The following BCAS3 variants were observed in gnomAD, a reference collection of about 807,000 sequenced individuals.
BCAS3 encodes the protein BCAS3 microtubule associated cell migration factor.
In BCAS3, 53 loss-of-function variants were observed where a neutral mutation model predicts 116.1. That is an observed-to-expected ratio of 0.46 (90% CI 0.37 to 0.57). The LOEUF (loss-of-function observed/expected upper bound fraction) is 0.57. BCAS3 is among the 20% of genes least tolerant of loss of function. The pLI, the probability that BCAS3 is intolerant of heterozygous loss-of-function variation, is 0.00. For missense variants in BCAS3, 917 were observed against 1,165.4 expected, an observed-to-expected ratio of 0.79 and a Z score of 3.10; for synonymous variants, 391 against 408.2, an observed-to-expected ratio of 0.96 and a Z score of 0.51.
intron 5 of BCAS3, among the ~76,000 whole-genome samples, chr17:60,744,776 G>A (rs2041892249): frequency 6.6e-6 from 1 of 151,826 alleles, no homozygotes; most frequent in Admixed American, 6.6e-5. Flanking sequence ...AGTGAATGTG[G>A]GGATGCATTT....
Position 60,788,407 on chromosome 17 carries a change from G to A in BCAS3, c.404-19597G>A, listed in dbSNP as rs78444724. On this transcript the variant is annotated intron_variant, in intron 6 of 23. Coordinates refer to ENST00000407086, the MANE Select transcript of BCAS3 (RefSeq NM_017679.5). ...TCTAATCTGTGAAAGAGCACAGGGA[G>A]CTGATTATCAAAGTGAAATAGAAGG... Among the ~76,000 whole-genome samples the A allele has an allele frequency of 2.8e-3, 432 of 152,274 alleles. 1 individual carries two copies. Among genetic ancestry groups the A allele is most frequent in the African/African-American group, 9.8e-3 (408 of 41,566 alleles).
In BCAS3 at chr17:61,388,646, C is replaced by T; in HGVS notation, c.2594-3331C>T. On this transcript the variant is annotated intron_variant, in intron 23 of 23. Coordinates refer to ENST00000407086, the MANE Select transcript of BCAS3 (RefSeq NM_017679.5). This position sits in a 1 kb window ranked among gnomAD's most constrained non-coding sequence, Gnocchi z 6.5. Reference sequence around the variant, plus strand: ...AAAAAAAAGGAAAAAAAAAACAATGCCAACAGCCCAGCGTCCGTGAGCAAC... The same window carrying T: ...AAAAAAAAGGAAAAAAAAAACAATGTCAACAGCCCAGCGTCCGTGAGCAAC... The T allele has an allele frequency of 2.6e-6, 4 of 1,541,306 alleles. No individual in the cohort carries two copies. The highest frequency in any genetic ancestry group is 1.2e-5 in the South Asian group (1 of 83,922).
At chr17:61,152,600 G>A (rs1483025561) in intron 22 of BCAS3, among the ~76,000 whole-genome samples, 1 of 152,076 alleles carries the variant, frequency 6.6e-6, no homozygotes, top group Non-Finnish European at 1.5e-5. Context: ...TCAGATCTAA[G>A]AGAATGCTGG....
chr17:60,851,200 A>T, intron 7 of BCAS3, among the ~76,000 whole-genome samples: 1 of 152,240 alleles, frequency 6.6e-6, no homozygotes, highest in East Asian at 1.9e-4. Flanking sequence ...CTGACTAAAG[A>T]ACTAAAAAAC....
intron 8 of BCAS3, among the ~76,000 whole-genome samples, chr17:60,870,917 T>G (rs1270221210): frequency 1.3e-5 from 2 of 152,210 alleles, no homozygotes; most frequent in African/African-American, 4.8e-5. Flanking sequence ...TTCAATTTAT[T>G]TTATATTTAC....
At position 60,804,466 on chromosome 17, in the gene BCAS3, C is replaced by A. The variant is rs1318967750; in HGVS notation, c.404-3538C>A. Among the ~76,000 whole-genome samples, 6 of 151,876 alleles carry A rather than the reference C, an allele frequency of 4.0e-5. No individual in the cohort carries two copies. The East Asian group carries it at 1.2e-3, about 30-fold the overall frequency. On this transcript the variant is annotated intron_variant, in intron 6 of 23. Transcript: ENST00000407086. ...ATTGCACTCCAGCCTTGGGGAGACT[C>A]CATCTCAAAAGAAAAACAAGAACAC...
chr17:61,232,769 T>G (rs1399488593), intron 22 of BCAS3, among the ~76,000 whole-genome samples: 1 of 152,220 alleles, frequency 6.6e-6, no homozygotes, highest in Non-Finnish European at 1.5e-5. Flanking sequence ...CTTCTGACTG[T>G]GTGTATTAGA....
chr17:61,016,031 C>CTG, intron 16 of BCAS3, 130 bp downstream of exon 16: 1 of 972,506 alleles, frequency 1.0e-6, no homozygotes, highest in Non-Finnish European at 1.5e-6. Context: ...GACTTAATGG[C>CTG]ATCAGATTAA....
In BCAS3 at chr17:60,988,625, G is replaced by A. The variant is rs553380426; in HGVS notation, c.1222-1346G>A. Among the ~76,000 whole-genome samples, 110 of 151,968 alleles carry A rather than the reference G, an allele frequency of 7.2e-4. 1 individual carries two copies. Among genetic ancestry groups the A allele is most frequent in the Non-Finnish European group, 9.1e-4 (62 of 67,878 alleles). On this transcript the variant is annotated intron_variant, in intron 14 of 23. Coordinates refer to ENST00000407086, the MANE Select transcript of BCAS3 (RefSeq NM_017679.5). Reference sequence around the variant, plus strand: ...ATATTTTCATGATTCAATCTTGTTAGGTTGTACGTGTCTGGGAATTTATCC... The same window carrying A: ...ATATTTTCATGATTCAATCTTGTTAAGTTGTACGTGTCTGGGAATTTATCC...
chr17:60,916,610 C>T (rs867733243), intron 12 of BCAS3, among the ~76,000 whole-genome samples: 12 of 152,026 alleles, frequency 7.9e-5, no homozygotes, highest in Non-Finnish European at 1.6e-4. Context: ...TTGATGATTG[C>T]GTTAGAAATT....
At chr17:61,116,750 G>A (rs2075484982) in intron 22 of BCAS3, among the ~76,000 whole-genome samples, 1 of 152,084 alleles carries the variant, frequency 6.6e-6, no homozygotes, top group Admixed American at 6.6e-5. Context: ...TGATATTATG[G>A]CTGGGTATAG....
In BCAS3 at chr17:60,770,748, A is replaced by G. The variant is rs1463120535; in HGVS notation, c.403+23469A>G. ...TAGACGGTCTATTTGAAGTGTGAATATTTACTTGCTATTTTGGTTCCTCTC... is the reference window on the plus strand; with the variant it reads ...TAGACGGTCTATTTGAAGTGTGAATGTTTACTTGCTATTTTGGTTCCTCTC... On this transcript the variant is annotated intron_variant, in intron 6 of 23. Coordinates refer to ENST00000407086, the MANE Select transcript of BCAS3 (RefSeq NM_017679.5). Among the ~76,000 whole-genome samples the G allele has an allele frequency of 2.1e-5, 3 of 140,208 alleles. No individual in the cohort carries two copies. In the Admixed American group the frequency reaches 2.3e-4, roughly 11 times the overall value. 92.0% of individuals were successfully genotyped at this position (140,208 alleles called of 152,430 possible).
intron 19 of BCAS3, among the ~76,000 whole-genome samples, chr17:61,064,851 A>G (rs544486739): frequency 7.9e-5 from 12 of 152,266 alleles, no homozygotes; most frequent in Non-Finnish European, 1.8e-4. Flanking sequence ...ATAATATATA[A>G]TGTAGATAAA....
At chr17:60,888,414 A>G (rs1033319978) in intron 9 of BCAS3, among the ~76,000 whole-genome samples, 3 of 152,198 alleles carry the variant, frequency 2.0e-5, no homozygotes, top group African/African-American at 7.2e-5. Context: ...ACGAATTTTA[A>G]AAGGGGAAAA....
At position 61,211,062 on chromosome 17, in the gene BCAS3, GT is replaced by G. The variant is rs966261808; in HGVS notation, c.2425+126499del. Among the ~76,000 whole-genome samples the G allele has an allele frequency of 2.8e-4, 43 of 152,196 alleles. No individual in the cohort carries two copies. The highest frequency in any genetic ancestry group is 9.6e-4 in the African/African-American group (40 of 41,522). Reference sequence around the variant, plus strand: ...CCCCAAGCTAGGGTCCCAGCGCTGGGTGGGGGACAGGAGAAAAGGCCTGAGG... The same window carrying G: ...CCCCAAGCTAGGGTCCCAGCGCTGGGGGGGGACAGGAGAAAAGGCCTGAGG... On this transcript the variant is annotated intron_variant, in intron 22 of 23. Transcript: ENST00000407086. This position sits in a 1 kb window ranked among gnomAD's most constrained non-coding sequence, Gnocchi z 4.4.
chr17:60,729,164 ATT>A (rs911965379), intron 5 of BCAS3, among the ~76,000 whole-genome samples: 9 of 152,178 alleles, frequency 5.9e-5, no homozygotes, highest in African/African-American at 2.2e-4. Flanking sequence ...GGTAGTTTGC[ATT>A]TTTTGTTTGT....
intron 22 of BCAS3, among the ~76,000 whole-genome samples, chr17:61,303,021 C>T (rs1301925995): frequency 2.0e-5 from 3 of 152,176 alleles, no homozygotes; most frequent in Non-Finnish European, 4.4e-5. Context: ...CCCCTGTCTG[C>T]CTTTCAGACT....
chr17:61,148,398 A>C (rs1274117790), intron 22 of BCAS3, among the ~76,000 whole-genome samples: 1 of 152,208 alleles, frequency 6.6e-6, no homozygotes, highest in Admixed American at 6.5e-5. Flanking sequence ...CACTTCATGG[A>C]ACATTCAAAA....
intron 7 of BCAS3, among the ~76,000 whole-genome samples, chr17:60,836,277 A>T (rs2051368566): frequency 6.6e-6 from 1 of 152,200 alleles, no homozygotes; most frequent in Admixed American, 6.5e-5. Flanking sequence ...TATCAGACAG[A>T]GTGATTAAAT....
Sources: gnomAD v4.1 joint callset for allele counts (sites outside exome capture counted in the v4.1 genomes callset) on GRCh38, gnomAD v4.1.1 for gene constraint, Gnocchi (gnomAD v3.1) non-coding constraint, MANE v1.5 for transcripts, NCBI Gene and HGNC (gene_info 2026-07-23, HGNC 2026-07-21) for gene names.